Variants in SARNP observed in about 807,000 individuals in gnomAD.
SARNP encodes the protein SAP domain-containing ribonucleoprotein.
SARNP carries 5 observed loss-of-function variants against 38.1 expected under a neutral mutation model. The observed-to-expected ratio is 0.13, with a 90% CI of 0.07 to 0.28. SARNP has a LOEUF of 0.28. Ranked by LOEUF, SARNP falls within the 10% of genes least tolerant of loss-of-function variation. The pLI is 1.00. For missense variants in SARNP, 180 were observed against 243.9 expected, an observed-to-expected ratio of 0.74 and a Z score of 1.75; for synonymous variants, 84 against 80.6, an observed-to-expected ratio of 1.04 and a Z score of -0.23.
At chr12:55,792,257 C>T (rs987908155) in intron 7 of SARNP, among the ~76,000 whole-genome samples, 2 of 152,084 alleles carry the variant, frequency 1.3e-5, no homozygotes, top group African/African-American at 2.4e-5. Context: ...CAAAACACTA[C>T]AAGAAGATCT....
intron 9 of SARNP, among the ~76,000 whole-genome samples, chr12:55,772,733 A>C (rs1209555193): frequency 2.2e-5 from 2 of 91,294 alleles, no homozygotes; most frequent in Admixed American, 2.6e-4. Flanking sequence ...TTTTTTTTTG[A>C]GACAGAGTTT....
At chr12:55,799,803 C>T (rs537022594) in intron 4 of SARNP, among the ~76,000 whole-genome samples, 1 of 151,394 alleles carries the variant, frequency 6.6e-6, no homozygotes, top group South Asian at 2.1e-4. Context: ...CCACCCACCT[C>T]GGCCTCCCAA....
intron 9 of SARNP, among the ~76,000 whole-genome samples, chr12:55,782,849 G>A (rs1879378952): frequency 6.6e-6 from 1 of 152,206 alleles, no homozygotes; most frequent in Non-Finnish European, 1.5e-5. Flanking sequence ...AATGGCTCAT[G>A]GCCGTAATCT....
At chr12:55,816,960 C>T (rs960941784) in intron 1 of SARNP, among the ~76,000 whole-genome samples, 8 of 151,950 alleles carry the variant, frequency 5.3e-5, no homozygotes, top group Non-Finnish European at 1.2e-4. Context: ...CCAAATATTG[C>T]AGGTGTGAGT....
At chr12:55,781,278 C>T (rs938870777) in intron 9 of SARNP, among the ~76,000 whole-genome samples, 3 of 152,104 alleles carry the variant, frequency 2.0e-5, no homozygotes, top group African/African-American at 7.2e-5. Flanking sequence ...TCCTCAAAAA[C>T]AAGGCAGGTC....
At chr12:55,753,332 T>C (rs2136170529), downstream of SARNP, 1 of 152,350 alleles carries the variant, frequency 6.6e-6, no homozygotes, top group African/African-American at 2.4e-5. Flanking sequence ...GAACTTGCCT[T>C]GTTACACAAG....
chr12:55,763,460 C>T lies in SARNP; in HGVS notation c.502-2820G>A, dbSNP rs1054905048. On this transcript the variant is annotated intron_variant, in intron 9 of 10. Transcript: ENST00000336133. ...CTGAGTAGCTGGGACTACATGCGCA[C>T]GCCACCACACCTAATTTTTGTATTT... Among the ~76,000 whole-genome samples the T allele has an allele frequency of 2.6e-5, 4 of 152,148 alleles. No homozygotes were observed. The East Asian group carries it at 5.8e-4, about 22-fold the overall frequency.
intron 1 of SARNP, among the ~76,000 whole-genome samples, chr12:55,812,737 A>G (rs956159318): frequency 1.3e-5 from 2 of 152,222 alleles, no homozygotes; most frequent in African/African-American, 4.8e-5. Context: ...TTGAAATTCT[A>G]CTACATCCTA....
intron 9 of SARNP, among the ~76,000 whole-genome samples, chr12:55,766,353 T>G (rs1258546174): frequency 1.3e-5 from 2 of 152,162 alleles, no homozygotes; most frequent in Non-Finnish European, 2.9e-5. Flanking sequence ...CTGTCCTTAC[T>G]GGCCAAATAC....
Position 55,816,179 on chromosome 12 carries a change from G to A in SARNP, c.36+1487C>T, listed in dbSNP as rs557078279. 1.1e-4 allele frequency among the ~76,000 whole-genome samples: 17 copies of A among 152,310 alleles called. No individual in the cohort carries two copies. In the South Asian group the frequency reaches 2.3e-3, roughly 20 times the overall value. ...ATGCAAGTAAGTCATCGGGCAGCTG[G>A]TGACTTACTCCAGGGATTTCAAAAA... On this transcript the variant is annotated intron_variant, in intron 1 of 10. Transcript: ENST00000336133.
At chr12:55,767,184 G>T (rs915321223) in intron 9 of SARNP, among the ~76,000 whole-genome samples, 2 of 152,114 alleles carry the variant, frequency 1.3e-5, no homozygotes, top group African/African-American at 4.8e-5. Context: ...CCTGGTCCTT[G>T]AAACAAAGTT....
rs1880040771 is a variant in SARNP at position 55,803,368 on chromosome 12, C to A, written c.136+261G>T. Among the ~76,000 whole-genome samples, 3 of 151,814 alleles carry A rather than the reference C, an allele frequency of 2.0e-5. No homozygotes were observed. In the South Asian group the frequency reaches 6.2e-4, roughly 32 times the overall value. On this transcript the variant is annotated intron_variant, in intron 2 of 10. Transcript: ENST00000336133. The stretch of plus-strand genomic sequence containing the variant: ...GCATGGTGGTGCTCGCCTGTAGTCC[C>A]AGCTGCTTGGGAGGCTGAGACAGGA...
intron 9 of SARNP, among the ~76,000 whole-genome samples, chr12:55,765,777 C>T (rs1878810622): frequency 6.6e-6 from 1 of 152,066 alleles, no homozygotes; most frequent in Non-Finnish European, 1.5e-5. Context: ...CCACAAATAG[C>T]CTGCTCTTCC....
chr12:55,760,629 A>G lies in SARNP; in HGVS notation c.513T>C (p.Asp171=). 1 of 1,610,778 alleles carries G rather than the reference A, an allele frequency of 6.2e-7. No homozygotes were observed. The highest frequency in any genetic ancestry group is 8.5e-7 in the Non-Finnish European group (1 of 1,177,140). Residue 171 remains aspartate, a synonymous_variant, in exon 10 of 11, where the codon GAT becomes GAC. Transcript: ENST00000336133. The stretch of plus-strand genomic sequence containing the variant: ...GCTCCTTCCTCTTTTTCAGTTTCTC[A>G]TCATCTTCAGACTGTTCAAGGACAA... ...VSSISRKSED[D]EKLKKRKERF... is the part of the protein sequence containing the mutation.
intron 1 of SARNP, among the ~76,000 whole-genome samples, chr12:55,807,491 G>C (rs1344809212): frequency 6.6e-6 from 1 of 151,876 alleles, no homozygotes; most frequent in African/African-American, 2.4e-5. Flanking sequence ...GAAACACCAT[G>C]AGATGCCATC....
At chr12:55,801,003 A>C in intron 2 of SARNP, 103 bp from the exon 3 acceptor site, 1 of 936,800 alleles carries the variant, frequency 1.1e-6, no homozygotes, top group Non-Finnish European at 1.7e-6. Flanking sequence ...CAAAAAATCC[A>C]ACAGTGAAGG....
At chr12:55,765,159 G>A (rs1186688647) in intron 9 of SARNP, among the ~76,000 whole-genome samples, 1 of 152,198 alleles carries the variant, frequency 6.6e-6, no homozygotes, top group African/African-American at 2.4e-5. Flanking sequence ...CAGTACTTCA[G>A]CAAGTTCAAA....
chr12:55,799,079 C>CACAT (rs552348040), intron 4 of SARNP, among the ~76,000 whole-genome samples: 1 of 152,128 alleles, frequency 6.6e-6, no homozygotes, highest in Non-Finnish European at 1.5e-5. Flanking sequence ...TCTATATATA[C>CACAT]ACATACATAC....
At chr12:55,773,283 A>G (rs1194682438) in intron 9 of SARNP, among the ~76,000 whole-genome samples, 1 of 152,206 alleles carries the variant, frequency 6.6e-6, no homozygotes, top group Non-Finnish European at 1.5e-5. Context: ...AATTTCAAGT[A>G]GCTTTGAAAA....
Sources: gnomAD v4.1 joint callset for allele counts (sites outside exome capture counted in the v4.1 genomes callset) on GRCh38, gnomAD v4.1.1 for gene constraint, MANE v1.5 for transcripts, NCBI Gene and HGNC (gene_info 2026-07-23, HGNC 2026-07-21) for gene names.